The following RPS6KB1 variants were observed in gnomAD, a reference collection of about 807,000 sequenced individuals.
The protein encoded by RPS6KB1 is ribosomal protein S6 kinase beta-1.
In RPS6KB1, 12 loss-of-function variants were observed where a neutral mutation model predicts 70.2. The ratio of observed to expected loss-of-function variants is 0.17; its 90% confidence interval spans 0.11 to 0.28. RPS6KB1 has a LOEUF of 0.28. Ranked by LOEUF, RPS6KB1 falls within the 10% of genes least tolerant of loss-of-function variation. The pLI, the probability that RPS6KB1 is intolerant of heterozygous loss-of-function variation, is 1.00. For missense variants in RPS6KB1, 270 were observed against 646.6 expected (o/e 0.42, Z 6.32); for synonymous variants, 175 against 211.2 (o/e 0.83, Z 1.49).
intron 12 of RPS6KB1, among the ~76,000 whole-genome samples, chr17:59,938,712 TG>T (rs2044400679): frequency 1.3e-5 from 2 of 148,658 alleles, no homozygotes; most frequent in African/African-American, 4.9e-5. Flanking sequence ...TGTGTGTGTG[TG>T]TGTGTGTGTG....
intron 4 of RPS6KB1, among the ~76,000 whole-genome samples, chr17:59,926,160 T>C (rs1351448259): frequency 6.6e-6 from 1 of 152,204 alleles, no homozygotes; most frequent in Non-Finnish European, 1.5e-5. Context: ...CTCAATAGTT[T>C]GTGAATATAT....
rs2044950617 is a variant in RPS6KB1, at chr17:59,946,769, A to G, written c.1559A>G (p.His520Arg). The G allele has an allele frequency of 6.2e-7, 1 of 1,614,178 alleles. No individual in the cohort carries two copies. The highest frequency in any genetic ancestry group is 8.5e-7 in the Non-Finnish European group (1 of 1,180,024). The change falls in exon 15 of 15, where the codon CAC (histidine) becomes CGC (arginine). Residue 520 changes from histidine to arginine, a missense_variant. Physicochemically the swap from His to Arg is conservative, Grantham distance 29 (BLOSUM62 0). Coordinates refer to ENST00000225577, the MANE Select transcript of RPS6KB1 (RefSeq NM_003161.4). This position sits in a 1 kb window ranked among gnomAD's most constrained non-coding sequence, Gnocchi z 4.2. ...AFPMISKRPE[H>R]LRMNL ...CCCATGATCTCCAAACGGCCAGAGC[A>G]CCTGCGTATGAATCTATGACAGAGC...
Position 59,934,017 on chromosome 17 carries a change from T to G in RPS6KB1, c.689-153T>G. 1 of 617,662 alleles carries G rather than the reference T, an allele frequency of 1.6e-6. No individual in the cohort carries two copies. 38.3% of individuals were successfully genotyped at this position (617,662 alleles called of 1,614,324 possible). A position where few individuals can be genotyped will look rare whatever the true frequency, so the allele number is the denominator to read the frequency against. On this transcript the variant is annotated intron_variant, in intron 7 of 14. Coordinates refer to ENST00000225577, the MANE Select transcript of RPS6KB1 (RefSeq NM_003161.4). This position sits in a 1 kb window ranked among gnomAD's most constrained non-coding sequence, Gnocchi z 4.8. ...CTAGCCTTAAACAGTTAGCATCCCA[T>G]TTTATGGATGGTACCTTGTTCTTGA...
At chr17:59,942,777 CA>C (rs2044689467) in intron 13 of RPS6KB1, among the ~76,000 whole-genome samples, 1 of 151,966 alleles carries the variant, frequency 6.6e-6, no homozygotes. Flanking sequence ...GTCAGGAGTT[CA>C]AGACCAGCCT....
At chr17:59,922,665 C>G (rs1402154049) in intron 4 of RPS6KB1, among the ~76,000 whole-genome samples, 1 of 150,442 alleles carries the variant, frequency 6.6e-6, no homozygotes, top group Non-Finnish European at 1.5e-5. Context: ...CTGCCTCAGC[C>G]TCCAGAGTAG....
rs1392701354 is a variant in RPS6KB1, at chr17:59,893,449, C to T, written c.141+124C>T. The T allele has an allele frequency of 2.0e-6, 2 of 1,020,470 alleles. No individual in the cohort carries two copies. The highest frequency in any genetic ancestry group is 5.3e-5 in the East Asian group (2 of 38,070). 63.2% of individuals were successfully genotyped at this position (1,020,470 alleles called of 1,614,324 possible). A position where few individuals can be genotyped will look rare whatever the true frequency, so the allele number is the denominator to read the frequency against. On this transcript the variant is annotated intron_variant, in intron 1 of 14. Coordinates refer to ENST00000225577, the MANE Select transcript of RPS6KB1 (RefSeq NM_003161.4). The surrounding 1 kb of genome is among the most constrained non-coding windows in gnomAD (Gnocchi z 4.1). The stretch of plus-strand genomic sequence containing the variant: ...GGCTCCTGAGGAGCTGAGGGTCGCG[C>T]GGCCTGAGACAGGGGAGCGGGCGGG...
chr17:59,915,784 T>A (rs1365525255), intron 4 of RPS6KB1, among the ~76,000 whole-genome samples: 5 of 131,262 alleles, frequency 3.8e-5, no homozygotes, highest in Non-Finnish European at 7.9e-5. Flanking sequence ...TCTTTTTTTT[T>A]TTTTTTTTTT....
intron 13 of RPS6KB1, among the ~76,000 whole-genome samples, chr17:59,941,581 G>C (rs1264178995): frequency 6.6e-6 from 1 of 151,556 alleles, no homozygotes; most frequent in East Asian, 1.9e-4. Context: ...CAAAATTATA[G>C]GCATGAGCCA....
intron 1 of RPS6KB1, among the ~76,000 whole-genome samples, chr17:59,900,172 A>ACACACACG (rs1775683819): frequency 1.7e-4 from 1 of 5,742 alleles, no homozygotes; most frequent in African/African-American, 1.0e-3. Context: ...TAATTGCTAA[A>ACACACACG]CACACACACA....
At position 59,935,237 on chromosome 17, in the gene RPS6KB1, C is replaced by A. The variant is rs184521347; in HGVS notation, c.915C>A (p.Ile305=). Residue 305 remains isoleucine (I), a synonymous_variant, in exon 10 of 15, where the codon ATC becomes ATA. Coordinates refer to ENST00000225577, the MANE Select transcript of RPS6KB1 (RefSeq NM_003161.4). ...GENRKKTIDK[I]LKCKLNLPPY... ...ATAGAAAGAAAACAATTGACAAAAT[C>A]CTCAAATGTAAACTCAATTTGCCTC... 3 of 1,612,886 alleles carry A rather than the reference C, an allele frequency of 1.9e-6. No individual in the cohort carries two copies. The African/African-American group carries it at 4.0e-5, about 22-fold the overall frequency.
chr17:59,943,153 G>A (rs1221133880), intron 13 of RPS6KB1, among the ~76,000 whole-genome samples: 1 of 152,146 alleles, frequency 6.6e-6, no homozygotes, highest in Admixed American at 6.5e-5. Flanking sequence ...TAAAAGATGA[G>A]TGAGTGCATG....
chr17:59,935,044 C>CT (rs2044149652), intron 9 of RPS6KB1, 149 bp from the exon 10 acceptor site: 1 of 568,600 alleles, frequency 1.8e-6, no homozygotes, highest in East Asian at 3.1e-5. Flanking sequence ...AAATAAAGGT[C>CT]TTTAGCAGTT....
chr17:59,942,814 T>C (rs1389291560), intron 13 of RPS6KB1, among the ~76,000 whole-genome samples: 4 of 152,066 alleles, frequency 2.6e-5, no homozygotes, highest in Non-Finnish European at 5.9e-5. Flanking sequence ...ACCCCATCTC[T>C]ACTAAAAGTA....
intron 13 of RPS6KB1, among the ~76,000 whole-genome samples, chr17:59,944,064 C>T (rs954384988): frequency 1.3e-5 from 2 of 151,978 alleles, no homozygotes; most frequent in African/African-American, 4.8e-5. Context: ...ATGATTAAGG[C>T]ACAGCCTGTA....
chr17:59,945,148 C>A, intron 13 of RPS6KB1: 1 of 270,132 alleles, frequency 3.7e-6, no homozygotes, highest in Non-Finnish European at 7.0e-6. Context: ...GTTTTTTTTT[C>A]TATTCCTGTC....
intron 1 of RPS6KB1, among the ~76,000 whole-genome samples, chr17:59,899,662 A>G (rs570482976): frequency 3.9e-5 from 6 of 152,304 alleles, no homozygotes; most frequent in Admixed American, 2.6e-4. Flanking sequence ...GACCACCCCC[A>G]TATCCCACAC....
intron 6 of RPS6KB1, chr17:59,930,547 G>A (rs2043872002): frequency 5.3e-6 from 1 of 189,626 alleles, no homozygotes; most frequent in African/African-American, 2.4e-5. Flanking sequence ...TATTTCTCAA[G>A]GTACAGTCTT....
At chr17:59,933,125 T>G (rs1274658186) in intron 7 of RPS6KB1, among the ~76,000 whole-genome samples, 2 of 152,110 alleles carry the variant, frequency 1.3e-5, no homozygotes, top group Non-Finnish European at 2.9e-5. Flanking sequence ...GGTAGTTAAT[T>G]GTTTCAAACT....
chr17:59,934,270 A>G lies in RPS6KB1; in HGVS notation c.779+10A>G. The G allele has an allele frequency of 1.3e-6, 2 of 1,586,814 alleles. No homozygotes were observed. The highest frequency in any genetic ancestry group is 8.7e-7 in the Non-Finnish European group (1 of 1,155,236). On this transcript the variant is annotated intron_variant, in intron 8 of 14. Transcript: ENST00000225577. This position sits in a 1 kb window ranked among gnomAD's most constrained non-coding sequence, Gnocchi z 4.8. The stretch of plus-strand genomic sequence containing the variant: ...GAACAATAGAATACATGTGAGCTAC[A>G]TGTTAAACATAATTGGTTTGGGGGT...
Sources: allele counts gnomAD v4.1 joint callset (sites outside exome capture counted in the v4.1 genomes callset), GRCh38; gene constraint gnomAD v4.1.1; non-coding constraint Gnocchi (gnomAD v3.1); transcripts MANE v1.5; gene names NCBI Gene and HGNC (gene_info 2026-07-23, HGNC 2026-07-21).